Variants in ANKS1B observed in about 807,000 individuals in gnomAD.
ANKS1B encodes ankyrin repeat and sterile alpha motif domain-containing protein 1B.
A neutral mutation model predicts 148.3 loss-of-function variants in ANKS1B; 36 were observed. That is an observed-to-expected ratio of 0.24 (90% CI 0.19 to 0.32). ANKS1B has a LOEUF of 0.32. Ranked by LOEUF, ANKS1B falls within the 10% of genes least tolerant of loss-of-function variation. ANKS1B has a pLI of 1.00. For synonymous variants in ANKS1B, 542 were observed against 560.8 expected (o/e 0.97, Z 0.47); for missense variants, 1,157 against 1,542.6 (o/e 0.75, Z 4.19).
At chr12:99,451,238 A>G (rs557876920) in intron 10 of ANKS1B, among the ~76,000 whole-genome samples, 1 of 152,378 alleles carries the variant, frequency 6.6e-6, no homozygotes, top group African/African-American at 2.4e-5. Flanking sequence ...ACAACATTAG[A>G]AAAAATACTT....
chr12:98,995,139 T>A (rs941491816), intron 17 of ANKS1B, among the ~76,000 whole-genome samples: 11 of 152,252 alleles, frequency 7.2e-5, no homozygotes, highest in African/African-American at 2.7e-4. Context: ...CTAATATTTT[T>A]AATAATGCTA....
intron 17 of ANKS1B, among the ~76,000 whole-genome samples, chr12:99,029,974 T>A (rs1292700160): frequency 6.6e-6 from 1 of 152,250 alleles, no homozygotes; most frequent in Non-Finnish European, 1.5e-5. Flanking sequence ...AAAGCACTAT[T>A]AAAATGCTTC....
intron 14 of ANKS1B, among the ~76,000 whole-genome samples, chr12:99,159,309 T>C (rs1026856365): frequency 4.6e-5 from 7 of 152,178 alleles, no homozygotes; most frequent in African/African-American, 1.7e-4. Flanking sequence ...GTTTGGGGCA[T>C]GAATGATCCC....
chr12:99,983,968 C>G, intron 1 of ANKS1B, 136 bp downstream of exon 1: 1 of 741,226 alleles, frequency 1.3e-6, no homozygotes, highest in Non-Finnish European at 2.2e-6. Context: ...TCTCCATACA[C>G]GCAGTCTGTT....
intron 17 of ANKS1B, among the ~76,000 whole-genome samples, chr12:99,020,198 C>T (rs546311597): frequency 6.6e-6 from 1 of 152,200 alleles, no homozygotes; most frequent in South Asian, 2.1e-4. Flanking sequence ...CCATCTCTGG[C>T]ACTTTTTCAC....
At chr12:99,960,621 C>G (rs2095396947) in intron 1 of ANKS1B, among the ~76,000 whole-genome samples, 1 of 152,190 alleles carries the variant, frequency 6.6e-6, no homozygotes, top group African/African-American at 2.4e-5. Context: ...TGGACTGTGT[C>G]TGAATCTGTA....
rs1238889403 is a variant in ANKS1B, at chr12:99,399,729, G to A, written c.1658C>T (p.Ser553Phe). 1 of 1,613,512 alleles carries A rather than the reference G, an allele frequency of 6.2e-7. No homozygotes were observed. The highest frequency in any genetic ancestry group is 1.7e-5 in the Admixed American group (1 of 59,968). The change falls in exon 12 of 27, where the codon TCT becomes TTT. Residue 553 changes from serine to phenylalanine, a missense_variant. Coordinates refer to ENST00000683438, the MANE Select transcript of ANKS1B (RefSeq NM_001352186.2). ...HNQEYFEINT[S>F]TGCTSFTASP... ...GGCAGTAAAGCTTGTGCACCCTGTA[G>A]ATGTGTTGATTTCAAAATATTCTTG...
intron 4 of ANKS1B, among the ~76,000 whole-genome samples, chr12:99,800,348 G>A (rs2066786719): frequency 6.7e-6 from 1 of 149,436 alleles, no homozygotes; most frequent in Non-Finnish European, 1.5e-5. Context: ...GGACTTTGTA[G>A]CCTCCAGAAT....
chr12:98,917,788 G>C (rs1161298187), intron 17 of ANKS1B, among the ~76,000 whole-genome samples: 1 of 152,186 alleles, frequency 6.6e-6, no homozygotes, highest in African/African-American at 2.4e-5. Flanking sequence ...GAATGAGGAG[G>C]AAGGGAGGCT....
At chr12:99,395,442 C>T (rs887900882) in intron 12 of ANKS1B, among the ~76,000 whole-genome samples, 5 of 152,148 alleles carry the variant, frequency 3.3e-5, no homozygotes, top group African/African-American at 9.7e-5. Context: ...TCAGCTTAAG[C>T]TAGAAACTTT....
chr12:98,899,050 A>G (rs1305772530), intron 17 of ANKS1B, among the ~76,000 whole-genome samples: 1 of 152,176 alleles, frequency 6.6e-6, no homozygotes, highest in Non-Finnish European at 1.5e-5. Flanking sequence ...GATGGTGGTA[A>G]TTTTTCTAAG....
intron 12 of ANKS1B, among the ~76,000 whole-genome samples, chr12:99,259,197 C>T (rs1285352924): frequency 6.6e-6 from 1 of 152,214 alleles, no homozygotes; most frequent in African/African-American, 2.4e-5. Flanking sequence ...ATCCAAGTAG[C>T]ACTGGAGCTT....
intron 17 of ANKS1B, among the ~76,000 whole-genome samples, chr12:99,038,071 C>T: frequency 6.6e-6 from 1 of 152,156 alleles, no homozygotes; most frequent in East Asian, 1.9e-4. Flanking sequence ...GTACAGAGCG[C>T]AGAAACGTTT....
chr12:99,351,304 T>TA (rs1372949780), intron 12 of ANKS1B, among the ~76,000 whole-genome samples: 8 of 152,088 alleles, frequency 5.3e-5, no homozygotes, highest in Non-Finnish European at 1.2e-4. Context: ...AACTATATAC[T>TA]AAAAAATGAG....
intron 14 of ANKS1B, among the ~76,000 whole-genome samples, chr12:99,159,359 T>G: frequency 6.6e-6 from 1 of 152,138 alleles, no homozygotes; most frequent in East Asian, 1.9e-4. Flanking sequence ...AGTTAGTTTT[T>G]CATACATTGT....
intron 1 of ANKS1B, among the ~76,000 whole-genome samples, chr12:99,833,257 T>G (rs2084316818): frequency 1.3e-5 from 2 of 152,190 alleles, no homozygotes; most frequent in Non-Finnish European, 2.9e-5. Flanking sequence ...CTGCAGCAAC[T>G]TGGAACTAAA....
intron 22 of ANKS1B, among the ~76,000 whole-genome samples, chr12:98,798,260 T>A (rs984442904): frequency 1.3e-5 from 2 of 152,104 alleles, no homozygotes; most frequent in African/African-American, 4.8e-5. Flanking sequence ...TAGCTGGGAT[T>A]ACAGGTGCAT....
At chr12:99,510,324 A>G (rs949688354) in intron 9 of ANKS1B, among the ~76,000 whole-genome samples, 5 of 152,034 alleles carry the variant, frequency 3.3e-5, no homozygotes, top group Non-Finnish European at 5.9e-5. Context: ...GATGAAACTG[A>G]GCAAAGTAAA....
At chr12:99,815,156 C>T (rs1404738448) in intron 2 of ANKS1B, among the ~76,000 whole-genome samples, 2 of 151,748 alleles carry the variant, frequency 1.3e-5, no homozygotes, top group Admixed American at 1.3e-4. Flanking sequence ...ACTCTTGCTC[C>T]AATCACTTAG....
Sources: gnomAD v4.1 joint callset for allele counts (sites outside exome capture counted in the v4.1 genomes callset) on GRCh38, gnomAD v4.1.1 for gene constraint, MANE v1.5 for transcripts, NCBI Gene and HGNC (gene_info 2026-07-23, HGNC 2026-07-21) for gene names.